Variants in NT5DC3 observed in about 807,000 individuals in gnomAD.
NT5DC3 encodes the protein 5'-nucleotidase domain-containing protein 3.
In NT5DC3, 42 loss-of-function variants were observed where a neutral mutation model predicts 67.8. The ratio of observed to expected loss-of-function variants is 0.62; its 90% CI spans 0.48 to 0.80. The LOEUF (loss-of-function observed/expected upper bound fraction) is 0.80, where lower values mean the gene tolerates loss of function less well. Ranked by LOEUF, NT5DC3 falls within the 30% of genes least tolerant of loss-of-function variation. The pLI, the probability that NT5DC3 is intolerant of heterozygous loss-of-function variation, is 0.00. For synonymous variants in NT5DC3, 237 were observed against 255.6 expected (o/e 0.93, Z 0.69); for missense variants, 570 against 696.4 (o/e 0.82, Z 2.04).
chr12:103,753,383 G>C, the NT5DC3 span: 20 of 1,613,818 alleles, frequency 1.2e-5, no homozygotes, highest in Non-Finnish European at 1.6e-5. Context: ...ATTCTGTGCA[G>C]ACAGAGTCTG....
At chr12:103,818,876 A>G (rs992850678) in intron 1 of NT5DC3, among the ~76,000 whole-genome samples, 4 of 152,202 alleles carry the variant, frequency 2.6e-5, no homozygotes, top group Non-Finnish European at 4.4e-5. Context: ...ATATTTTCTG[A>G]ATACGACCAC....
At position 103,796,944 on chromosome 12, in the gene NT5DC3, G is replaced by A. The variant is rs762935761; in HGVS notation, c.703C>T (p.Leu235Phe). The change falls in exon 6 of 14, where the codon CTC becomes TTC. Residue 235 changes from leucine to phenylalanine, a missense_variant. Physicochemically the swap from Leu to Phe is conservative, Grantham distance 22. Coordinates refer to ENST00000392876, the MANE Select transcript of NT5DC3 (RefSeq NM_001031701.3). ...TLLSCVNEYF[L>F]KNNIDYEPVH... ...GGCTCATAGTCGATGTTGTTCTTGA[G>A]GAAGTATTCATTCACGCAGGACAGG... is the stretch of plus-strand genomic sequence containing the variant. 8 of 1,613,990 alleles carry A rather than the reference G, an allele frequency of 5.0e-6. No individual in the cohort carries two copies. Among genetic ancestry groups the A allele is most frequent in the Non-Finnish European group, 6.8e-6 (8 of 1,179,992 alleles).
chr12:103,753,827 G>A, the NT5DC3 span, among the ~76,000 whole-genome samples: 1 of 152,040 alleles, frequency 6.6e-6, no homozygotes, highest in Non-Finnish European at 1.5e-5. Flanking sequence ...AGCCTAGGGT[G>A]GATCTCCCCG....
At chr12:103,793,094 A>T (rs1228487795) in intron 9 of NT5DC3, 70 bp downstream of exon 9, 3 of 1,110,940 alleles carry the variant, frequency 2.7e-6, no homozygotes, top group Non-Finnish European at 2.7e-6. Flanking sequence ...GATTTTACCA[A>T]GACACACCAT....
At chr12:103,746,651 A>G in the NT5DC3 span, 1 of 1,614,122 alleles carries the variant, frequency 6.2e-7, no homozygotes, top group Non-Finnish European at 8.5e-7. Flanking sequence ...TGTAAGGAGA[A>G]CAACACGTGT....
At chr12:103,770,107 T>G (rs895717458), downstream of NT5DC3, among the ~76,000 whole-genome samples, 2 of 152,230 alleles carry the variant, frequency 1.3e-5, no homozygotes, top group Non-Finnish European at 2.9e-5. Flanking sequence ...AAACATGGCC[T>G]ATCCTCACAC....
At chr12:103,768,557 C>T (rs56963767), downstream of NT5DC3, among the ~76,000 whole-genome samples, 3 of 206 alleles carry the variant, frequency 0.015, no homozygotes, top group Admixed American at 0.1. Context: ...GGGAGGGAGG[C>T]GGAGGGAGAG....
intron 12 of NT5DC3, among the ~76,000 whole-genome samples, chr12:103,781,176 T>TCTG (rs1885534328): frequency 1.3e-5 from 2 of 152,098 alleles, no homozygotes; most frequent in African/African-American, 4.8e-5. Flanking sequence ...GAATCCAAGG[T>TCTG]GCACATGATC....
At chr12:103,840,917 AGG>A in intron 1 of NT5DC3, 30 bp downstream of exon 1, 1 of 1,281,864 alleles carries the variant, frequency 7.8e-7, no homozygotes, top group Non-Finnish European at 1.0e-6. Context: ...GAGGGGCCCC[AGG>A]CGCCGGGGCG....
rs1184106177 is a variant in NT5DC3, at chr12:103,777,764, A to G, written c.*65T>C. ...TTCCAAAAGCAACACTCAGACCCAC[A>G]TGAAGTCAACCCCATCATGCCTGCC... On this transcript the variant is annotated 3_prime_UTR_variant, in exon 14 of 14. Transcript: ENST00000392876. 2 of 1,527,180 alleles carry G rather than the reference A, an allele frequency of 1.3e-6. No individual in the cohort carries two copies. Among genetic ancestry groups the G allele is most frequent in the East Asian group, 4.5e-5 (2 of 44,276 alleles). The allele number at this position is 1,527,180 out of a possible 1,614,324, so 94.6% of individuals were successfully genotyped here. A position where few individuals can be genotyped will look rare whatever the true frequency, so the allele number is the denominator to read the frequency against.
At chr12:103,791,277 G>A (rs191743478) in intron 9 of NT5DC3, among the ~76,000 whole-genome samples, 24 of 152,172 alleles carry the variant, frequency 1.6e-4, no homozygotes, top group Admixed American at 3.9e-4. Context: ...AAGCAGAGGA[G>A]CTCTCTGGTG....
chr12:103,746,758 G>C, the NT5DC3 span: 1 of 1,570,132 alleles, frequency 6.4e-7, no homozygotes. Context: ...GAGAGGAGCA[G>C]GACTTGCTCA....
At chr12:103,767,573 A>AGAC (rs1300383459), downstream of NT5DC3, among the ~76,000 whole-genome samples, 3 of 152,236 alleles carry the variant, frequency 2.0e-5, no homozygotes, top group African/African-American at 7.2e-5. Context: ...ATCTCAAAGA[A>AGAC]GACATGATAA....
rs55736592 is a variant in NT5DC3 at position 103,829,885 on chromosome 12, G to GAA, written c.208+11062_208+11063dup. On this transcript the variant is annotated intron_variant, in intron 1 of 13. Coordinates refer to ENST00000392876, the MANE Select transcript of NT5DC3 (RefSeq NM_001031701.3). ...TGGTAAAGCTCTTAGCTTTTAATCA[G>GAA]AAAAAAAAAAAAGGTCTCTTTACAC... is the stretch of plus-strand genomic sequence containing the variant. 1.2e-3 allele frequency among the ~76,000 whole-genome samples: 173 copies of GAA among 141,756 alleles called. 1 individual carries two copies. The East Asian group carries it at 0.015, about 12-fold the overall frequency. The allele number at this position is 141,756 out of a possible 152,430, so 93.0% of individuals were successfully genotyped here.
intron 12 of NT5DC3, among the ~76,000 whole-genome samples, chr12:103,781,514 A>G (rs903753837): frequency 3.1e-4 from 47 of 152,322 alleles, no homozygotes; most frequent in African/African-American, 1.1e-3. Flanking sequence ...CTGCCCTGCC[A>G]TGAACCTTTC....
chr12:103,752,686 A>G, the NT5DC3 span, among the ~76,000 whole-genome samples: 1 of 152,230 alleles, frequency 6.6e-6, no homozygotes, highest in East Asian at 1.9e-4. Context: ...AAATTTTTCA[A>G]TTATAAATAT....
At chr12:103,807,736 G>A (rs191661195) in intron 2 of NT5DC3, among the ~76,000 whole-genome samples, 3 of 152,280 alleles carry the variant, frequency 2.0e-5, no homozygotes, top group Admixed American at 6.5e-5. Flanking sequence ...TAATTCCCAC[G>A]TGTTGTGGGA....
intron 6 of NT5DC3, among the ~76,000 whole-genome samples, chr12:103,796,424 G>A (rs906941178): frequency 2.0e-5 from 3 of 152,214 alleles, no homozygotes; most frequent in African/African-American, 7.2e-5. Context: ...GGCTGAGGCA[G>A]GAGAATCACT....
the NT5DC3 span, chr12:103,748,883 T>C: frequency 1.4e-6 from 2 of 1,434,722 alleles, no homozygotes; most frequent in Non-Finnish European, 1.9e-6. Flanking sequence ...CCACTAGTGC[T>C]GTGGTGCCCC....
Sources: allele counts gnomAD v4.1 joint callset (sites outside exome capture counted in the v4.1 genomes callset), GRCh38; gene constraint gnomAD v4.1.1; transcripts MANE v1.5; gene names NCBI Gene and HGNC (gene_info 2026-07-23, HGNC 2026-07-21).